The following ANKRD28 variants were observed in gnomAD, a reference collection of about 807,000 sequenced individuals.
ANKRD28 encodes the protein ankyrin repeat domain 28.
ANKRD28 carries 44 observed loss-of-function variants against 126.5 expected under a neutral mutation model. That is an observed-to-expected ratio of 0.35 (90% CI 0.27 to 0.45). ANKRD28 has a LOEUF of 0.45. Ranked by LOEUF, ANKRD28 falls within the 20% of genes least tolerant of loss-of-function variation. The pLI is 1.00. For missense variants in ANKRD28, 1,110 were observed against 1,316.6 expected (o/e 0.84, Z 2.43); for synonymous variants, 442 against 468.5 (o/e 0.94, Z 0.73).
Position 15,833,565 on chromosome 3 carries a change from G to T in ANKRD28, c.27+25812C>A, listed in dbSNP as rs886103559. ...TTTTTTATATATATAATGTGTGTGT[G>T]TATATATATATCTCCTATTAGTTCT... On this transcript the variant is annotated intron_variant, in intron 1 of 27. Coordinates refer to the ANKRD28 transcript ENST00000399451. The surrounding 1 kb of genome is among the most constrained non-coding windows in gnomAD (Gnocchi z 4.4). Among the ~76,000 whole-genome samples the T allele has an allele frequency of 3.3e-5, 5 of 149,464 alleles. No individual in the cohort carries two copies. The highest frequency in any genetic ancestry group is 7.4e-5 in the Non-Finnish European group (5 of 67,510).
At position 15,853,367 on chromosome 3, in the gene ANKRD28, A is replaced by AAATTAAAAAGGAAATAAGG. The variant is rs2061693653; in HGVS notation, c.27+6009_27+6010insCCTTATTTCCTTTTTAATT. 6.6e-6 allele frequency among the ~76,000 whole-genome samples: 1 copy of AAATTAAAAAGGAAATAAGG among 152,220 alleles called. No individual in the cohort carries two copies. The highest frequency in any genetic ancestry group is 2.4e-5 in the African/African-American group (1 of 41,452). ...AATATAAATTTTACATTAGACTAGA[A>AAATTAAAAAGGAAATAAGG]AATTAAAAAGGAAATAAGACAAAAT... On this transcript the variant is annotated intron_variant, in intron 1 of 27. Coordinates refer to the ANKRD28 transcript ENST00000399451. This position sits in a 1 kb window ranked among gnomAD's most constrained non-coding sequence, Gnocchi z 4.2.
Position 15,760,383 on chromosome 3 carries a change from C to G in ANKRD28, c.280+5851G>C, listed in dbSNP as rs544042064. ...CCTATATAACACACCTGTGCATGTA[C>G]TCCTGAACTTAAAATTTGGTTTGAG... On this transcript the variant is annotated intron_variant, in intron 3 of 27. Transcript: ENST00000683139. Among the ~76,000 whole-genome samples, 5 of 152,306 alleles carry G rather than the reference C, an allele frequency of 3.3e-5. No homozygotes were observed. The East Asian group carries it at 7.7e-4, about 23-fold the overall frequency.
chr3:15,750,072 A>AT (rs1370288753), intron 4 of ANKRD28, among the ~76,000 whole-genome samples: 1 of 152,214 alleles, frequency 6.6e-6, no homozygotes, highest in Non-Finnish European at 1.5e-5. Flanking sequence ...AAAATTAGGA[A>AT]TTAAGTCTCT....
intron 26 of ANKRD28, 137 bp from the exon 27 acceptor site, chr3:15,676,126 A>G: frequency 1.8e-6 from 1 of 564,476 alleles, no homozygotes; most frequent in Non-Finnish European, 3.0e-6. Context: ...AGTCCTAATA[A>G]CAAAGATGGG....
chr3:15,859,519 G>T (rs1317228844), exon 1 of ANKRD28: 3 of 984,584 alleles, frequency 3.0e-6, no homozygotes, highest in Non-Finnish European at 4.2e-6. Context: ...GGACCAGCGG[G>T]TCCGCGGCCG....
intron 3 of ANKRD28, among the ~76,000 whole-genome samples, chr3:15,753,401 C>T (rs781004119): frequency 6.6e-6 from 1 of 152,216 alleles, no homozygotes; most frequent in Non-Finnish European, 1.5e-5. Context: ...CAGAAGCTAG[C>T]GTCTTTCGTT....
chr3:15,747,754 T>C (rs1030147181), intron 4 of ANKRD28, among the ~76,000 whole-genome samples: 3 of 152,190 alleles, frequency 2.0e-5, no homozygotes, highest in African/African-American at 7.2e-5. Flanking sequence ...CTTTGTTGAC[T>C]TTCTGTTTTG....
At position 15,679,551 on chromosome 3, in the gene ANKRD28, CAT is replaced by C. The variant is rs1187734816; in HGVS notation, c.2400_2401del (p.Val802ArgfsTer18). 5 of 1,611,636 alleles carry C rather than the reference CAT, an allele frequency of 3.1e-6. No individual in the cohort carries two copies. Among genetic ancestry groups the C allele is most frequent in the South Asian group, 1.1e-5 (1 of 90,852 alleles). On this transcript the variant is annotated frameshift_variant, in exon 22 of 28. Coordinates refer to ENST00000683139, the MANE Select transcript of ANKRD28 (RefSeq NM_001349278.2). LOFTEE classifies it high-confidence loss of function. ...TTCCTGTTCTAAAAGCAGTTCTACA[CAT>C]GTCTCGTGACCTAAATAGGTGTAAA...
At chr3:15,748,918 G>T (rs1235475594) in intron 4 of ANKRD28, among the ~76,000 whole-genome samples, 1 of 151,902 alleles carries the variant, frequency 6.6e-6, no homozygotes, top group Non-Finnish European at 1.5e-5. Flanking sequence ...GTCTTTGATG[G>T]ATTGGGTTAA....
At chr3:15,806,227 TAA>T (rs2060574601) in intron 1 of ANKRD28, among the ~76,000 whole-genome samples, 2 of 152,322 alleles carry the variant, frequency 1.3e-5, no homozygotes, top group African/African-American at 4.8e-5. Context: ...TAATTCAGAG[TAA>T]AACGATGTCA....
At chr3:15,775,301 G>GA (rs1437414621) in intron 2 of ANKRD28, among the ~76,000 whole-genome samples, 1 of 152,192 alleles carries the variant, frequency 6.6e-6, no homozygotes, top group Non-Finnish European at 1.5e-5. Context: ...TATGTAGGAG[G>GA]AAAAATCAGT....
intron 17 of ANKRD28, 87 bp from the exon 18 acceptor site, chr3:15,690,307 G>T: frequency 9.1e-7 from 1 of 1,103,868 alleles, no homozygotes; most frequent in Non-Finnish European, 1.3e-6. Context: ...AAGCAAACTT[G>T]TCTTCATATT....
chr3:15,736,469 C>A (rs2075023384), intron 5 of ANKRD28, among the ~76,000 whole-genome samples: 3 of 152,092 alleles, frequency 2.0e-5, no homozygotes, highest in African/African-American at 7.2e-5. Context: ...AAGTTCCTAC[C>A]CCTGCAACAA....
At position 15,668,952 on chromosome 3, in the gene ANKRD28, T is replaced by C. The variant is rs1404712309; in HGVS notation, c.*1318A>G. ...TATGAAATCATTTTCACTGGGAAAG[T>C]GACAGTTACAGTAAAAGCAGAACCA... On this transcript the variant is annotated 3_prime_UTR_variant, in exon 28 of 28. Transcript: ENST00000683139. 6.6e-6 allele frequency: 1 copy of C among 152,634 alleles called. No homozygotes were observed. Among genetic ancestry groups the C allele is most frequent in the Non-Finnish European group, 1.5e-5 (1 of 68,028 alleles). 9.5% of individuals were successfully genotyped at this position (152,634 alleles called of 1,614,324 possible). A position where few individuals can be genotyped will look rare whatever the true frequency, so the allele number is the denominator to read the frequency against.
chr3:15,830,040 G>A lies in ANKRD28; in HGVS notation c.27+29337C>T, dbSNP rs1008576304. ...TATCATACAGACACCCCAGGGTGAA[G>A]TGTAATGTAAGTAATTTATACTTAA... On this transcript the variant is annotated intron_variant, in intron 1 of 27. Coordinates refer to the ANKRD28 transcript ENST00000399451. The surrounding 1 kb of genome is among the most constrained non-coding windows in gnomAD (Gnocchi z 4.5). Among the ~76,000 whole-genome samples, 2 of 151,784 alleles carry A rather than the reference G, an allele frequency of 1.3e-5. No individual in the cohort carries two copies. Among genetic ancestry groups the A allele is most frequent in the African/African-American group, 4.8e-5 (2 of 41,292 alleles).
chr3:15,771,042 A>G (rs2058975777), intron 2 of ANKRD28, among the ~76,000 whole-genome samples: 2 of 152,206 alleles, frequency 1.3e-5, no homozygotes, highest in Non-Finnish European at 2.9e-5. Flanking sequence ...ACTGCTACAA[A>G]GGAATATCTG....
At chr3:15,742,162 G>A (rs1307703644) in intron 4 of ANKRD28, among the ~76,000 whole-genome samples, 15 of 151,730 alleles carry the variant, frequency 9.9e-5, no homozygotes, top group African/African-American at 3.1e-4. Context: ...CCGCCACCCC[G>A]TCTGGGAAGT....
At position 15,714,645 on chromosome 3, in the gene ANKRD28, C is replaced by T. The variant is rs1358446093; in HGVS notation, c.1008G>A (p.Gly336=). 1 of 1,593,210 alleles carries T rather than the reference C, an allele frequency of 6.3e-7. No homozygotes were observed. ...GADVNMKSKD[G]KTPLHMTALH... is the part of the protein sequence containing the mutation. ...GAGCAGTCATGTGTAGTGGGGTTTT[C>T]CCATCTTTACTCTGGGGGGGGAAGA... Residue 336 remains glycine (G), a synonymous_variant, in exon 9 of 28, where the codon GGG becomes GGA. Transcript: ENST00000683139.
intron 1 of ANKRD28, among the ~76,000 whole-genome samples, chr3:15,844,396 C>T (rs143777979): frequency 1.3e-5 from 2 of 151,840 alleles, no homozygotes; most frequent in East Asian, 3.9e-4. Flanking sequence ...AGTTCAGATT[C>T]ACTGTAGGTA....
Sources: gnomAD v4.1 joint callset for allele counts (sites outside exome capture counted in the v4.1 genomes callset) on GRCh38, gnomAD v4.1.1 for gene constraint, Gnocchi (gnomAD v3.1) non-coding constraint, MANE v1.5 for transcripts, NCBI Gene and HGNC (gene_info 2026-07-23, HGNC 2026-07-21) for gene names.